The following RYR3 variants were observed in gnomAD, a reference collection of about 807,000 sequenced individuals.
RYR3 encodes the protein ryanodine receptor 3.
RYR3 carries 207 observed loss-of-function variants against 584.3 expected under a neutral mutation model. The observed-to-expected ratio is 0.35, with a 90% confidence interval of 0.32 to 0.40. The LOEUF (loss-of-function observed/expected upper bound fraction) is 0.40, where lower values mean the gene tolerates loss of function less well. Among genes scored for constraint, RYR3 ranks in the 10% least tolerant of loss-of-function variants. RYR3 has a pLI of 1.00. For missense variants in RYR3, 5,616 were observed against 6,089.2 expected (o/e 0.92, Z 2.59); for synonymous variants, 2,416 against 2,248.5 (o/e 1.07, Z -2.11).
chr15:33,655,817 CGTT>C (rs1397908554), intron 32 of RYR3, among the ~76,000 whole-genome samples: 3 of 152,128 alleles, frequency 2.0e-5, no homozygotes, highest in African/African-American at 7.2e-5. Flanking sequence ...ACAGTGGGAT[CGTT>C]GTTATTCCAC....
chr15:33,574,309 C>A (rs8041171), intron 12 of RYR3, among the ~76,000 whole-genome samples: 9,140 of 152,196 alleles, frequency 0.06, 437 homozygotes, highest in African/African-American at 0.13. Flanking sequence ...AAAAGCAAAA[C>A]GTAAGCCCTG....
chr15:33,532,400 T>C (rs2054958915), intron 4 of RYR3, among the ~76,000 whole-genome samples: 2 of 152,144 alleles, frequency 1.3e-5, no homozygotes, highest in African/African-American at 4.8e-5. Flanking sequence ...CCCATGGTCA[T>C]GGGAAGGTCA....
At chr15:33,411,644 T>C (rs546956460) in intron 1 of RYR3, among the ~76,000 whole-genome samples, 1 of 152,318 alleles carries the variant, frequency 6.6e-6, no homozygotes, top group Admixed American at 6.5e-5. Context: ...AATCACAAAC[T>C]TACGACCACT....
chr15:33,647,872 GAGA>G, intron 30 of RYR3, among the ~76,000 whole-genome samples: 1 of 151,430 alleles, frequency 6.6e-6, no homozygotes, highest in Non-Finnish European at 1.5e-5. Flanking sequence ...GCAATCAAAT[GAGA>G]AGAAGAGCAA....
chr15:33,769,752 A>G (rs1424871629), intron 62 of RYR3, among the ~76,000 whole-genome samples: 1 of 152,178 alleles, frequency 6.6e-6, no homozygotes, highest in Non-Finnish European at 1.5e-5. Flanking sequence ...TCAACAGTTC[A>G]AGACCAGCCT....
In RYR3 at chr15:33,467,479, G is replaced by A. The variant is rs950571224; in HGVS notation, c.52-5940G>A. The A allele has an allele frequency of 4.6e-5, 45 of 984,954 alleles. No homozygotes were observed. The African/African-American group carries it at 7.7e-4, about 17-fold the overall frequency. The allele number at this position is 984,954 out of a possible 1,614,324, so 61.0% of individuals were successfully genotyped here. A position where few individuals can be genotyped will look rare whatever the true frequency, so the allele number is the denominator to read the frequency against. ...TCTCTATTGTTCTGGCCCTCAGGCTGCGAGCCAAGGTATAAGAAAGAAAGC... is the reference window on the plus strand; with the variant it reads ...TCTCTATTGTTCTGGCCCTCAGGCTACGAGCCAAGGTATAAGAAAGAAAGC... On this transcript the variant is annotated intron_variant, in intron 1 of 103. Coordinates refer to ENST00000634891, the MANE Select transcript of RYR3 (RefSeq NM_001036.6).
At chr15:33,326,526 G>A (rs1468317360) in intron 1 of RYR3, among the ~76,000 whole-genome samples, 1 of 152,148 alleles carries the variant, frequency 6.6e-6, no homozygotes, top group African/African-American at 2.4e-5. Context: ...AGGGAGTCAG[G>A]GAAGATTTGA....
At chr15:33,568,400 T>A (rs1206995207) in intron 12 of RYR3, among the ~76,000 whole-genome samples, 1 of 152,214 alleles carries the variant, frequency 6.6e-6, no homozygotes. Flanking sequence ...TTTTTAAACA[T>A]CTTTATTGAG....
chr15:33,855,819 G>A (rs1299837007), intron 98 of RYR3: 2 of 152,310 alleles, frequency 1.3e-5, no homozygotes, highest in South Asian at 4.1e-4. Context: ...GGATATTGAT[G>A]AGACTGGATA....
At chr15:33,493,596 CT>C (rs1430691022) in intron 2 of RYR3, among the ~76,000 whole-genome samples, 1 of 152,218 alleles carries the variant, frequency 6.6e-6, no homozygotes, top group African/African-American at 2.4e-5. Context: ...AGGGTTCCAA[CT>C]TTTCACCTAT....
intron 9 of RYR3, among the ~76,000 whole-genome samples, chr15:33,548,823 G>A (rs758614250): frequency 6.6e-6 from 1 of 152,162 alleles, no homozygotes; most frequent in Non-Finnish European, 1.5e-5. Flanking sequence ...ACTGGGCTGA[G>A]AGGATTTGCA....
At chr15:33,464,456 A>T (rs2048284167) in intron 1 of RYR3, among the ~76,000 whole-genome samples, 1 of 127,614 alleles carries the variant, frequency 7.8e-6, no homozygotes. Context: ...GACTGTAGGG[A>T]GGTGGAGATA....
chr15:33,429,936 T>C lies in RYR3; in HGVS notation c.52-43483T>C, dbSNP rs193024310. On this transcript the variant is annotated intron_variant, in intron 1 of 103. Coordinates refer to ENST00000634891, the MANE Select transcript of RYR3 (RefSeq NM_001036.6). ...AGCAGGGGGAAAAAAGACTTTGTTT[T>C]GGTTCTCTAGTGTACCTTCAGCCAG... 1.1e-4 allele frequency among the ~76,000 whole-genome samples: 16 copies of C among 152,374 alleles called. No individual in the cohort carries two copies. In the East Asian group the frequency reaches 2.1e-3, roughly 20 times the overall value.
rs146071364 is a variant in RYR3, at chr15:33,437,894, T to G, written c.52-35525T>G. On this transcript the variant is annotated intron_variant, in intron 1 of 103. Transcript: ENST00000634891. ...ACTACAGACCCACCTGGCTATTTTTTAAATTTTTTGTAGAAACAGTGTCTT... is the reference window on the plus strand; with the variant it reads ...ACTACAGACCCACCTGGCTATTTTTGAAATTTTTTGTAGAAACAGTGTCTT... Among the ~76,000 whole-genome samples the G allele has an allele frequency of 6.0e-4, 91 of 152,270 alleles. 1 individual carries two copies. In the East Asian group the frequency reaches 0.014, roughly 23 times the overall value.
At chr15:33,781,858 A>C (rs377190814) in intron 65 of RYR3, among the ~76,000 whole-genome samples, 1 of 129,560 alleles carries the variant, frequency 7.7e-6, no homozygotes, top group East Asian at 2.6e-4. Flanking sequence ...AAAAAAAAAA[A>C]AGGGGGGGGG....
At chr15:33,860,909 T>C (rs1248393651) in intron 101 of RYR3, among the ~76,000 whole-genome samples, 169 bp from the exon 102 acceptor site, 1 of 120,738 alleles carries the variant, frequency 8.3e-6, no homozygotes, top group Non-Finnish European at 1.7e-5. Context: ...ATGGCACTAC[T>C]GAGTGAATGA....
chr15:33,323,453 A>G (rs1595713190), intron 1 of RYR3, among the ~76,000 whole-genome samples: 1 of 151,992 alleles, frequency 6.6e-6, no homozygotes, highest in Non-Finnish European at 1.5e-5. Flanking sequence ...GTGGCTGAGG[A>G]TTCTTTCTGC....
At chr15:33,555,298 C>A (rs964680891) in intron 10 of RYR3, among the ~76,000 whole-genome samples, 6 of 152,158 alleles carry the variant, frequency 3.9e-5, no homozygotes, top group Non-Finnish European at 7.4e-5. Flanking sequence ...TGCCAGTCCC[C>A]TTGCTTGCTC....
intron 1 of RYR3, among the ~76,000 whole-genome samples, chr15:33,348,471 T>TTTTA (rs771176954): frequency 9.2e-5 from 14 of 152,140 alleles, no homozygotes; most frequent in Non-Finnish European, 1.8e-4. Flanking sequence ...AGTGATTTTA[T>TTTTA]TTTATTTATT....
Sources: allele counts gnomAD v4.1 joint callset (sites outside exome capture counted in the v4.1 genomes callset), GRCh38; gene constraint gnomAD v4.1.1; transcripts MANE v1.5; gene names NCBI Gene and HGNC (gene_info 2026-07-23, HGNC 2026-07-21).